The following GRIN2A variants were observed in gnomAD, a reference collection of about 807,000 sequenced individuals.
GRIN2A encodes the protein glutamate receptor ionotropic, NMDA 2A.
GRIN2A carries 22 observed loss-of-function variants against 113.4 expected under a neutral mutation model. The observed-to-expected ratio is 0.19, with a 90% CI of 0.14 to 0.28. The LOEUF is 0.28. Among genes scored for constraint, GRIN2A ranks in the 10% least tolerant of loss-of-function variants. The probability of loss-of-function intolerance (pLI) is 1.00; values close to 1 mark genes in which losing one functional copy is unlikely to be tolerated. For missense variants in GRIN2A, 1,502 were observed against 1,887.0 expected, an observed-to-expected ratio of 0.80 and a Z score of 3.78; for synonymous variants, 827 against 738.4, an observed-to-expected ratio of 1.12 and a Z score of -1.94.
At position 10,179,985 on chromosome 16, in the gene GRIN2A, T is replaced by A. The variant is rs752708809; in HGVS notation, c.414+13A>T. 6 of 1,611,812 alleles carry A rather than the reference T, an allele frequency of 3.7e-6. No homozygotes were observed. In the Admixed American group the frequency reaches 1.0e-4, roughly 27 times the overall value. On this transcript the variant is annotated intron_variant, in intron 2 of 12. Transcript: ENST00000330684. ...TTCCCAGGTCCTGGCAGGGCATCAG[T>A]TTCCGGCCTTACCTTGTCAGCCATG...
intron 4 of GRIN2A, among the ~76,000 whole-genome samples, chr16:9,874,423 T>C (rs938719366): frequency 6.6e-6 from 1 of 152,198 alleles, no homozygotes; most frequent in Non-Finnish European, 1.5e-5. Context: ...CTCAGTGGGA[T>C]GCTCTGAGCC....
At chr16:10,122,364 C>T (rs532566862) in intron 2 of GRIN2A, among the ~76,000 whole-genome samples, 2 of 152,154 alleles carry the variant, frequency 1.3e-5, no homozygotes, top group East Asian at 1.9e-4. Context: ...CAGGAGGCTT[C>T]GGGGTAAGGA....
chr16:9,949,514 G>A (rs2045117856), intron 2 of GRIN2A, among the ~76,000 whole-genome samples: 1 of 151,708 alleles, frequency 6.6e-6, no homozygotes, highest in Non-Finnish European at 1.5e-5. Context: ...ATGGATGACG[G>A]AAGAGAAAAA....
chr16:9,873,885 A>G (rs1378303962), intron 4 of GRIN2A, among the ~76,000 whole-genome samples: 1 of 152,230 alleles, frequency 6.6e-6, no homozygotes, highest in Non-Finnish European at 1.5e-5. Flanking sequence ...GCTGGACCAC[A>G]TAGAGGCCAG....
At chr16:9,892,743 AG>A (rs2043719013) in intron 3 of GRIN2A, among the ~76,000 whole-genome samples, 1 of 152,096 alleles carries the variant, frequency 6.6e-6, no homozygotes, top group Non-Finnish European at 1.5e-5. Flanking sequence ...AGGTTCCCCA[AG>A]GGATCCGCTC....
intron 4 of GRIN2A, among the ~76,000 whole-genome samples, chr16:9,863,335 A>AAC (rs2043104094): frequency 6.6e-6 from 1 of 152,216 alleles, no homozygotes; most frequent in African/African-American, 2.4e-5. Flanking sequence ...GGGAAGGGGC[A>AAC]ACATTTTCTT....
intron 5 of GRIN2A, among the ~76,000 whole-genome samples, chr16:9,845,795 T>C (rs2042762854): frequency 6.6e-6 from 1 of 152,210 alleles, no homozygotes; most frequent in Non-Finnish European, 1.5e-5. Context: ...CATACCCCGA[T>C]GTACTCTCTT....
At chr16:10,072,051 C>T (rs1323856983) in intron 2 of GRIN2A, among the ~76,000 whole-genome samples, 2 of 152,186 alleles carry the variant, frequency 1.3e-5, no homozygotes, top group Non-Finnish European at 2.9e-5. Context: ...GACCTTGGTA[C>T]CATAGGTTCA....
At chr16:9,854,673 T>A (rs1381735526) in intron 4 of GRIN2A, among the ~76,000 whole-genome samples, 1 of 152,000 alleles carries the variant, frequency 6.6e-6, no homozygotes, top group African/African-American at 2.4e-5. Context: ...CCCAATCCTC[T>A]CCATAAAAGT....
At chr16:10,087,482 G>A (rs765711312) in intron 2 of GRIN2A, among the ~76,000 whole-genome samples, 4 of 152,206 alleles carry the variant, frequency 2.6e-5, no homozygotes, top group African/African-American at 7.2e-5. Context: ...GGAGCCCTCC[G>A]TCAGTCTGAC....
intron 2 of GRIN2A, among the ~76,000 whole-genome samples, chr16:10,055,694 C>A (rs1050927704): frequency 1.3e-5 from 2 of 152,116 alleles, no homozygotes; most frequent in African/African-American, 4.8e-5. Context: ...TCAACTAAGC[C>A]CTTCCTTAGG....
At chr16:10,023,911 CT>C (rs1300897701) in intron 2 of GRIN2A, among the ~76,000 whole-genome samples, 2 of 152,166 alleles carry the variant, frequency 1.3e-5, no homozygotes, top group African/African-American at 4.8e-5. Context: ...AAGCATAAAC[CT>C]TAGGCCAGGT....
intron 3 of GRIN2A, among the ~76,000 whole-genome samples, chr16:9,929,560 G>C (rs2044541662): frequency 6.6e-6 from 1 of 151,994 alleles, no homozygotes; most frequent in Admixed American, 6.6e-5. Flanking sequence ...CTCTTTCCTA[G>C]ACCTGTGCTA....
chr16:9,858,302 T>A (rs1567351021), intron 4 of GRIN2A, among the ~76,000 whole-genome samples: 1 of 152,208 alleles, frequency 6.6e-6, no homozygotes, highest in African/African-American at 2.4e-5. Context: ...ACTTATTATG[T>A]ATCAGGCACC....
Position 10,148,108 on chromosome 16 carries a change from C to T in GRIN2A, c.414+31890G>A, listed in dbSNP as rs2049483460. 2.0e-5 allele frequency among the ~76,000 whole-genome samples: 3 copies of T among 152,282 alleles called. No individual in the cohort carries two copies. In the South Asian group the frequency reaches 6.2e-4, roughly 32 times the overall value. On this transcript the variant is annotated intron_variant, in intron 2 of 12. Transcript: ENST00000330684. ...TCCTTGATGGTTTGTCATCACCTTC[C>T]CAACCTCTCAACATTGTAGAGCCCA... is the stretch of plus-strand genomic sequence containing the variant.
intron 2 of GRIN2A, among the ~76,000 whole-genome samples, chr16:9,974,449 A>T (rs2141751554): frequency 6.6e-6 from 1 of 152,256 alleles, no homozygotes; most frequent in East Asian, 1.9e-4. Context: ...GCCCCCAGTC[A>T]CATACTCCCT....
chr16:9,948,694 T>C (rs1361845891), intron 2 of GRIN2A, among the ~76,000 whole-genome samples: 1 of 152,180 alleles, frequency 6.6e-6, no homozygotes, highest in Non-Finnish European at 1.5e-5. Context: ...ACATACTGCA[T>C]GGGAGTAAAG....
Position 9,798,187 on chromosome 16 carries a change from T to C in GRIN2A, c.2356+90A>G, listed in dbSNP as rs911360823. The C allele has an allele frequency of 2.9e-6, 3 of 1,027,184 alleles. No individual in the cohort carries two copies. In the South Asian group the frequency reaches 4.0e-5, roughly 14 times the overall value. 63.6% of individuals were successfully genotyped at this position (1,027,184 alleles called of 1,614,324 possible). On this transcript the variant is annotated intron_variant, in intron 11 of 12. Transcript: ENST00000330684. Reference sequence around the variant, plus strand: ...ATATTTTTAGGGAGCAAACTCATCATGCAAAGATCCACTGGGAAGCCCAGG... The same window carrying C: ...ATATTTTTAGGGAGCAAACTCATCACGCAAAGATCCACTGGGAAGCCCAGG...
chr16:9,960,853 T>C (rs1393796854), intron 2 of GRIN2A, among the ~76,000 whole-genome samples: 1 of 152,220 alleles, frequency 6.6e-6, no homozygotes, highest in African/African-American at 2.4e-5. Flanking sequence ...CTCAAACTCC[T>C]GGACTAAAGT....
Sources: gnomAD v4.1 joint callset for allele counts (sites outside exome capture counted in the v4.1 genomes callset) on GRCh38, gnomAD v4.1.1 for gene constraint, MANE v1.5 for transcripts, NCBI Gene and HGNC (gene_info 2026-07-23, HGNC 2026-07-21) for gene names.